SPATA16: variants seen among roughly 807,000 people sequenced by gnomAD.
The protein encoded by SPATA16 is spermatogenesis-associated protein 16.
A neutral mutation model predicts 63.3 loss-of-function variants in SPATA16; 36 were observed. The observed-to-expected ratio is 0.57, with a 90% CI of 0.44 to 0.75. The LOEUF (loss-of-function observed/expected upper bound fraction) is 0.75. SPATA16 is among the 30% of genes least tolerant of loss of function. SPATA16 has a pLI of 0.00. For synonymous variants in SPATA16, 203 were observed against 216.7 expected (o/e 0.94, Z 0.56); for missense variants, 646 against 679.3 (o/e 0.95, Z 0.54).
At chr3:173,052,461 G>T (rs1056576655) in intron 2 of SPATA16, among the ~76,000 whole-genome samples, 1 of 152,154 alleles carries the variant, frequency 6.6e-6, no homozygotes, top group Non-Finnish European at 1.5e-5. Flanking sequence ...TACCAATCGA[G>T]TGTTGTAAGA....
chr3:172,917,486 C>T (rs1048107699), intron 8 of SPATA16, among the ~76,000 whole-genome samples: 2 of 152,104 alleles, frequency 1.3e-5, no homozygotes, highest in Non-Finnish European at 2.9e-5. Context: ...AGCAGGGGCC[C>T]CCTGGACTGC....
intron 6 of SPATA16, among the ~76,000 whole-genome samples, chr3:172,954,226 A>C (rs542515007): frequency 4.7e-4 from 71 of 152,176 alleles, no homozygotes; most frequent in Non-Finnish European, 9.4e-4. Context: ...ATCATGGTGG[A>C]AGGCAAAGGA....
rs555593593 is a variant in SPATA16, at chr3:173,054,996, G to A, written c.613-5902C>T. On this transcript the variant is annotated intron_variant, in intron 2 of 10. Coordinates refer to ENST00000351008, the MANE Select transcript of SPATA16 (RefSeq NM_031955.6). ...TAATTTGAAAGTGAACAAAAGACACGAGCAACCATTTCATACATATGGCAA... is the reference window on the plus strand; with the variant it reads ...TAATTTGAAAGTGAACAAAAGACACAAGCAACCATTTCATACATATGGCAA... Among the ~76,000 whole-genome samples the A allele has an allele frequency of 3.3e-4, 50 of 152,174 alleles. 1 individual carries two copies. The highest frequency in any genetic ancestry group is 9.6e-4 in the African/African-American group (40 of 41,540).
At chr3:172,947,208 T>G (rs116711504) in intron 6 of SPATA16, among the ~76,000 whole-genome samples, 127 of 152,282 alleles carry the variant, frequency 8.3e-4, no homozygotes, top group African/African-American at 3.0e-3. Context: ...TCAATTCTCT[T>G]TAAATACTTG....
intron 3 of SPATA16, among the ~76,000 whole-genome samples, chr3:173,024,947 G>A (rs1735419529): frequency 6.6e-6 from 1 of 150,618 alleles, no homozygotes; most frequent in Non-Finnish European, 1.5e-5. Flanking sequence ...GAATGATAGA[G>A]TATATTTTAT....
At chr3:173,058,973 T>C (rs1736313772) in intron 2 of SPATA16, among the ~76,000 whole-genome samples, 1 of 152,018 alleles carries the variant, frequency 6.6e-6, no homozygotes, top group African/African-American at 2.4e-5. Context: ...GTTTTCCACA[T>C]TTTGCATTAA....
At chr3:172,906,194 C>G (rs1188980852) in intron 10 of SPATA16, among the ~76,000 whole-genome samples, 1 of 152,110 alleles carries the variant, frequency 6.6e-6, no homozygotes, top group Non-Finnish European at 1.5e-5. Flanking sequence ...GTTCTTAAAA[C>G]TCCAAGGGAC....
chr3:173,030,897 T>C (rs1274700419), intron 3 of SPATA16, among the ~76,000 whole-genome samples: 1 of 152,000 alleles, frequency 6.6e-6, no homozygotes, highest in Non-Finnish European at 1.5e-5. Flanking sequence ...CTCTTCAGAC[T>C]TAAAAAGCAA....
At chr3:172,923,226 T>C (rs928431269) in intron 8 of SPATA16, among the ~76,000 whole-genome samples, 45 of 152,312 alleles carry the variant, frequency 3.0e-4, no homozygotes, top group African/African-American at 1.0e-3. Context: ...AATAGAAATA[T>C]AGAGGAGATA....
At chr3:172,896,123 A>T (rs1314131905) in intron 10 of SPATA16, among the ~76,000 whole-genome samples, 2 of 152,174 alleles carry the variant, frequency 1.3e-5, no homozygotes. Context: ...GGGTGGTGCC[A>T]GCTGATCCAT....
intron 4 of SPATA16, among the ~76,000 whole-genome samples, chr3:172,989,735 G>A (rs1466732538): frequency 6.6e-6 from 1 of 152,168 alleles, no homozygotes; most frequent in African/African-American, 2.4e-5. Context: ...TTAGTATTCT[G>A]CCCAGGTCTT....
At chr3:172,951,458 A>G (rs1236532794) in intron 6 of SPATA16, among the ~76,000 whole-genome samples, 13 of 152,130 alleles carry the variant, frequency 8.5e-5, no homozygotes, top group Admixed American at 4.6e-4. Flanking sequence ...AATCCACTGT[A>G]AAGTTCATAG....
At chr3:173,058,790 T>A (rs551300753) in intron 2 of SPATA16, among the ~76,000 whole-genome samples, 1 of 152,050 alleles carries the variant, frequency 6.6e-6, no homozygotes, top group African/African-American at 2.4e-5. Flanking sequence ...AAATGTGTCA[T>A]TTATTATAAG....
intron 2 of SPATA16, among the ~76,000 whole-genome samples, chr3:173,083,768 C>T (rs1459660178): frequency 6.6e-6 from 1 of 152,136 alleles, no homozygotes; most frequent in Non-Finnish European, 1.5e-5. Flanking sequence ...TATTAGTTTG[C>T]TGAGAATAAT....
At chr3:173,038,973 C>T (rs1202724956) in intron 3 of SPATA16, among the ~76,000 whole-genome samples, 1 of 152,098 alleles carries the variant, frequency 6.6e-6, no homozygotes, top group Non-Finnish European at 1.5e-5. Context: ...TCAAGGCTAG[C>T]CAGCAGTTTT....
intron 5 of SPATA16, among the ~76,000 whole-genome samples, chr3:172,960,208 C>T (rs1037683454): frequency 6.6e-6 from 1 of 152,114 alleles, no homozygotes; most frequent in African/African-American, 2.4e-5. Context: ...AAAATGGAAG[C>T]AGATTTCAAA....
At chr3:172,941,924 T>A (rs575945784) in intron 6 of SPATA16, among the ~76,000 whole-genome samples, 2 of 152,188 alleles carry the variant, frequency 1.3e-5, no homozygotes, top group Non-Finnish European at 2.9e-5. Context: ...CAGTTGATAA[T>A]CATGAAACTA....
intron 5 of SPATA16, 73 bp downstream of exon 5, chr3:172,976,895 A>T: frequency 8.2e-7 from 1 of 1,223,720 alleles, no homozygotes; most frequent in Non-Finnish European, 1.2e-6. Flanking sequence ...TCAGTCTTTT[A>T]AGCACCAATC....
chr3:172,925,856 G>C (rs946475915), intron 6 of SPATA16, among the ~76,000 whole-genome samples: 2 of 151,678 alleles, frequency 1.3e-5, no homozygotes, highest in Non-Finnish European at 2.9e-5. Flanking sequence ...ATGGAGTCTT[G>C]CTCTTGTCGC....
Sources: allele counts gnomAD v4.1 joint callset (sites outside exome capture counted in the v4.1 genomes callset), GRCh38; gene constraint gnomAD v4.1.1; transcripts MANE v1.5; gene names NCBI Gene and HGNC (gene_info 2026-07-23, HGNC 2026-07-21).